Variants in UBE2R2 observed in about 807,000 individuals in gnomAD.
UBE2R2 encodes ubiquitin conjugating enzyme E2 R2.
In UBE2R2, 1 loss-of-function variant was observed where a neutral mutation model predicts 27.8. That is an observed-to-expected ratio of 0.04 (90% CI 0.01 to 0.17). UBE2R2 has a LOEUF of 0.17. UBE2R2 is among the 10% of genes least tolerant of loss of function. UBE2R2 has a pLI of 1.00. For missense variants in UBE2R2, 100 were observed against 291.0 expected (o/e 0.34, Z 4.78); for synonymous variants, 106 against 113.3 (o/e 0.94, Z 0.41).
At chr9:33,820,987 G>A (rs530077208) in intron 1 of UBE2R2, among the ~76,000 whole-genome samples, 2 of 152,260 alleles carry the variant, frequency 1.3e-5, no homozygotes, top group African/African-American at 4.8e-5. Context: ...GGCAAAGATA[G>A]TTTCTTCTGT....
chr9:33,917,239 G>T lies in UBE2R2; in HGVS notation c.*2G>T, dbSNP rs763409507. The T allele has an allele frequency of 1.2e-6, 2 of 1,613,952 alleles. No individual in the cohort carries two copies. The highest frequency in any genetic ancestry group is 2.2e-5 in the South Asian group (2 of 91,078). On this transcript the variant is annotated 3_prime_UTR_variant, in exon 5 of 5. Coordinates refer to ENST00000263228, the MANE Select transcript of UBE2R2 (RefSeq NM_017811.4). ...GATTCTGGGAATGAGGAGTCGTGAC[G>T]TGCTCCTTCAGTGCCCCTGTACTGC...
At chr9:33,901,104 T>C (rs2130810433) in intron 3 of UBE2R2, among the ~76,000 whole-genome samples, 1 of 152,288 alleles carries the variant, frequency 6.6e-6, no homozygotes, top group East Asian at 1.9e-4. Context: ...TATAGGTGTA[T>C]GCCACCATAC....
At chr9:33,890,327 A>G (rs1232190658) in intron 2 of UBE2R2, among the ~76,000 whole-genome samples, 2 of 151,536 alleles carry the variant, frequency 1.3e-5, no homozygotes, top group East Asian at 2.0e-4. Flanking sequence ...GGCTCACCCT[A>G]TAATCCCAGC....
At chr9:33,898,966 A>G (rs1453720464) in intron 2 of UBE2R2, among the ~76,000 whole-genome samples, 1 of 152,206 alleles carries the variant, frequency 6.6e-6, no homozygotes, top group Non-Finnish European at 1.5e-5. Flanking sequence ...TTATGAAGCA[A>G]AATATAATAG....
chr9:33,912,710 T>G lies in UBE2R2; in HGVS notation c.497+612T>G, dbSNP rs16935262. Among the ~76,000 whole-genome samples the G allele has an allele frequency of 4.9e-3, 744 of 152,176 alleles. 10 individuals carry two copies. Among genetic ancestry groups the G allele is most frequent in the East Asian group, 0.046 (240 of 5,172 alleles). On this transcript the variant is annotated intron_variant, in intron 4 of 4. Coordinates refer to ENST00000263228, the MANE Select transcript of UBE2R2 (RefSeq NM_017811.4). ...AGCAAGGATTGTTTGGAAATCCTCA[T>G]TATCAGCAACACTAATGTATGGTAT...
chr9:33,915,444 T>C (rs756490945), intron 4 of UBE2R2, among the ~76,000 whole-genome samples: 8 of 152,136 alleles, frequency 5.3e-5, no homozygotes, highest in Non-Finnish European at 1.0e-4. Context: ...GTTAAAATTA[T>C]GGGAACAGAG....
intron 1 of UBE2R2, among the ~76,000 whole-genome samples, chr9:33,839,136 T>C (rs1230189773): frequency 6.6e-6 from 1 of 151,614 alleles, no homozygotes; most frequent in Non-Finnish European, 1.5e-5. Context: ...AAAAGACATA[T>C]GTTGAAACAT....
At chr9:33,847,124 G>C (rs1029280847) in intron 1 of UBE2R2, among the ~76,000 whole-genome samples, 1 of 151,062 alleles carries the variant, frequency 6.6e-6, no homozygotes, top group African/African-American at 2.4e-5. Context: ...TTGAGACAGA[G>C]TATCACTCTG....
intron 2 of UBE2R2, among the ~76,000 whole-genome samples, chr9:33,889,895 GCTGGTCT>G (rs111660972): frequency 0.2 from 29,882 of 151,446 alleles, 3,182 homozygotes; most frequent in South Asian, 0.33. Flanking sequence ...TATTGGTCAG[GCTGGTCT>G]CTAACTCCTG....
intron 1 of UBE2R2, among the ~76,000 whole-genome samples, chr9:33,871,982 C>T (rs2130780670): frequency 6.6e-6 from 1 of 152,120 alleles, no homozygotes; most frequent in Middle Eastern, 3.4e-3. Flanking sequence ...AAAGTGCTGG[C>T]ATTACAGGTG....
At chr9:33,829,184 C>T (rs1430052761) in intron 1 of UBE2R2, among the ~76,000 whole-genome samples, 1 of 151,788 alleles carries the variant, frequency 6.6e-6, no homozygotes, top group East Asian at 1.9e-4. Flanking sequence ...CTGTTGAATC[C>T]ACAGGAAAAA....
chr9:33,904,144 T>C (rs957240954), intron 3 of UBE2R2, among the ~76,000 whole-genome samples: 7 of 152,228 alleles, frequency 4.6e-5, no homozygotes, highest in African/African-American at 1.7e-4. Context: ...TTATCCCTTT[T>C]GTTTCTGTGT....
At chr9:33,898,995 C>G (rs1238880206) in intron 2 of UBE2R2, among the ~76,000 whole-genome samples, 1 of 152,164 alleles carries the variant, frequency 6.6e-6, no homozygotes, top group Non-Finnish European at 1.5e-5. Flanking sequence ...GGAAGTCATT[C>G]TAACCATACC....
At chr9:33,831,763 C>T (rs1273917543) in intron 1 of UBE2R2, among the ~76,000 whole-genome samples, 2 of 151,914 alleles carry the variant, frequency 1.3e-5, no homozygotes, top group Non-Finnish European at 2.9e-5. Context: ...AGGTTCATGC[C>T]ATTCTCCTGC....
At chr9:33,835,465 G>A (rs1820596386) in intron 1 of UBE2R2, among the ~76,000 whole-genome samples, 2 of 152,082 alleles carry the variant, frequency 1.3e-5, no homozygotes, top group South Asian at 4.2e-4. Context: ...GTTTTTAAAT[G>A]CCGTGTAGTG....
intron 1 of UBE2R2, among the ~76,000 whole-genome samples, chr9:33,827,348 A>T (rs1820336772): frequency 6.6e-6 from 1 of 152,096 alleles, no homozygotes; most frequent in Non-Finnish European, 1.5e-5. Context: ...AAGTTAAATT[A>T]AAAATAAATA....
chr9:33,891,047 G>T (rs138757106), intron 2 of UBE2R2, among the ~76,000 whole-genome samples: 3 of 126,412 alleles, frequency 2.4e-5, no homozygotes, highest in East Asian at 2.7e-4. Flanking sequence ...TTGTTGTTGT[G>T]TTTTTTTGTT....
At chr9:33,888,067 G>A (rs1821902865) in intron 2 of UBE2R2, among the ~76,000 whole-genome samples, 1 of 152,198 alleles carries the variant, frequency 6.6e-6, no homozygotes, top group African/African-American at 2.4e-5. Flanking sequence ...ATTCCGTTGT[G>A]ATCTGAAAGC....
chr9:33,850,827 T>C (rs1462612104), intron 1 of UBE2R2, among the ~76,000 whole-genome samples: 1 of 152,212 alleles, frequency 6.6e-6, no homozygotes, highest in East Asian at 1.9e-4. Flanking sequence ...TCAGCTCTTA[T>C]AAAAATGGAG....
Sources: allele counts gnomAD v4.1 joint callset (sites outside exome capture counted in the v4.1 genomes callset), GRCh38; gene constraint gnomAD v4.1.1; transcripts MANE v1.5; gene names NCBI Gene and HGNC (gene_info 2026-07-23, HGNC 2026-07-21).